DTNB: variants seen among roughly 807,000 people sequenced by gnomAD.
DTNB encodes the protein DTN-B.
DTNB carries 63 observed loss-of-function variants against 90.7 expected under a neutral mutation model. The observed-to-expected ratio is 0.69, with a 90% confidence interval of 0.57 to 0.86. The LOEUF (loss-of-function observed/expected upper bound fraction) is 0.86. Among genes scored for constraint, DTNB ranks in the 40% least tolerant of loss-of-function variants. DTNB has a pLI of 0.00. For synonymous variants in DTNB, 277 were observed against 286.7 expected (o/e 0.97, Z 0.34); for missense variants, 744 against 807.1 (o/e 0.92, Z 0.95).
At chr2:25,427,690 G>C in intron 14 of DTNB, 59 bp from the exon 15 acceptor site, 1 of 1,547,682 alleles carries the variant, frequency 6.5e-7, no homozygotes, top group Admixed American at 1.8e-5. Context: ...TCTAAGGCCA[G>C]GTGAAATGGA....
At chr2:25,649,646 G>A (rs543455829) in intron 2 of DTNB, among the ~76,000 whole-genome samples, 61 of 152,282 alleles carry the variant, frequency 4.0e-4, no homozygotes, top group African/African-American at 1.4e-3. Flanking sequence ...TTGAGCCCTG[G>A]AGGTTGAGTC....
intron 1 of DTNB, among the ~76,000 whole-genome samples, chr2:25,660,634 C>G (rs957393967): frequency 2.0e-5 from 3 of 152,114 alleles, no homozygotes; most frequent in Admixed American, 1.3e-4. Flanking sequence ...TATGCATAAC[C>G]CTAAGGTAAT....
intron 9 of DTNB, among the ~76,000 whole-genome samples, chr2:25,488,526 G>A (rs1348851539): frequency 6.6e-6 from 1 of 152,190 alleles, no homozygotes; most frequent in Non-Finnish European, 1.5e-5. Context: ...GTAAGTGGAT[G>A]TCTAGAAAGC....
Position 25,387,285 on chromosome 2 carries a change from T to C in DTNB, c.1825+4A>G, listed in dbSNP as rs1440835598. 1.9e-6 allele frequency: 3 copies of C among 1,608,210 alleles called. No homozygotes were observed. The Admixed American group carries it at 5.0e-5, about 27-fold the overall frequency. On this transcript the variant is annotated splice_donor_region_variant and intron_variant, in intron 18 of 20. Coordinates refer to ENST00000406818, the MANE Select transcript of DTNB (RefSeq NM_021907.5). The surrounding 1 kb of genome is among the most constrained non-coding windows in gnomAD (Gnocchi z 4.5). ...GGAAGCTGGCTGGGAGCTCTGGGTT[T>C]CACCTGAATGGAGCTCCTTCACCAG...
At chr2:25,588,128 T>C (rs2062804524) in intron 6 of DTNB, among the ~76,000 whole-genome samples, 1 of 151,836 alleles carries the variant, frequency 6.6e-6, no homozygotes, top group African/African-American at 2.4e-5. Flanking sequence ...AATAAAAAAA[T>C]ACAGCTTCAT....
intron 8 of DTNB, among the ~76,000 whole-genome samples, chr2:25,542,234 C>T (rs1007159522): frequency 2.0e-5 from 3 of 152,104 alleles, no homozygotes; most frequent in Admixed American, 2.0e-4. Flanking sequence ...TCTGCCTCAG[C>T]CTCACCGTGC....
intron 2 of DTNB, among the ~76,000 whole-genome samples, chr2:25,645,207 A>AC (rs2079149920): frequency 8.6e-6 from 1 of 115,978 alleles, no homozygotes. Context: ...ACTGGGCAAA[A>AC]CCCCGTCACT....
chr2:25,379,490 G>T, intron 19 of DTNB, 167 bp from the exon 20 acceptor site: 2 of 842,262 alleles, frequency 2.4e-6, no homozygotes, highest in Non-Finnish European at 1.6e-6. Context: ...GCAGGGTAGA[G>T]TCATACTTTC....
At position 25,470,954 on chromosome 2, in the gene DTNB, C is replaced by T. The variant is rs996294413; in HGVS notation, c.1079+11842G>A. ...GAGATGGATTTATAGAATGTAAGGA[C>T]ACTCCCCATCTGGATTATCTCTCCT... On this transcript the variant is annotated intron_variant, in intron 10 of 20. Coordinates refer to ENST00000406818, the MANE Select transcript of DTNB (RefSeq NM_021907.5). Among the ~76,000 whole-genome samples the T allele has an allele frequency of 5.9e-5, 9 of 152,156 alleles. No individual in the cohort carries two copies. The East Asian group carries it at 1.5e-3, about 26-fold the overall frequency.
chr2:25,410,565 T>C (rs191484332), intron 16 of DTNB, among the ~76,000 whole-genome samples: 63 of 152,256 alleles, frequency 4.1e-4, no homozygotes, highest in African/African-American at 1.5e-3. Context: ...CCCAGAAGGA[T>C]CTTGATGAAA....
chr2:25,426,556 A>G (rs1422132683), intron 15 of DTNB: 2 of 152,216 alleles, frequency 1.3e-5, no homozygotes, highest in African/African-American at 4.8e-5. Context: ...CAGCAACCCA[A>G]CACCACCCAT....
intron 3 of DTNB, among the ~76,000 whole-genome samples, chr2:25,634,180 T>A (rs1316157822): frequency 7.3e-6 from 1 of 137,636 alleles, no homozygotes; most frequent in South Asian, 2.4e-4. Context: ...CGGCCGCCCC[T>A]ACTGGGAAGT....
chr2:25,656,452 ATCTC>A (rs2082085110), intron 1 of DTNB, among the ~76,000 whole-genome samples: 1 of 152,214 alleles, frequency 6.6e-6, no homozygotes, highest in Non-Finnish European at 1.5e-5. Flanking sequence ...ATGTAAGTAC[ATCTC>A]TCTACTTCCT....
At chr2:25,498,392 G>C (rs1265962172) in intron 9 of DTNB, among the ~76,000 whole-genome samples, 2 of 152,102 alleles carry the variant, frequency 1.3e-5, no homozygotes, top group African/African-American at 2.4e-5. Flanking sequence ...GCATGTGTTA[G>C]ACTACTGAGC....
intron 6 of DTNB, chr2:25,595,219 C>T (rs894652737): frequency 2.0e-5 from 3 of 151,994 alleles, no homozygotes; most frequent in African/African-American, 2.4e-5. Flanking sequence ...TCAGTTTATC[C>T]CTTTAGTGGT....
chr2:25,629,139 C>A (rs917972547), intron 3 of DTNB, among the ~76,000 whole-genome samples: 1 of 152,070 alleles, frequency 6.6e-6, no homozygotes, highest in African/African-American at 2.4e-5. Flanking sequence ...TGATGCCTGA[C>A]TTCAAGCAAC....
At chr2:25,405,566 T>A (rs1253021241) in intron 16 of DTNB, among the ~76,000 whole-genome samples, 1 of 151,992 alleles carries the variant, frequency 6.6e-6, no homozygotes, top group Non-Finnish European at 1.5e-5. Context: ...TAAAATGTTC[T>A]ATTTTTTTTC....
Position 25,457,893 on chromosome 2 carries a change from G to T in DTNB, c.1080-2399C>A, listed in dbSNP as rs377516430. Among the ~76,000 whole-genome samples, 220 of 152,220 alleles carry T rather than the reference G, an allele frequency of 1.4e-3. 2 individuals carry two copies. Among genetic ancestry groups the T allele is most frequent in the African/African-American group, 5.0e-3 (206 of 41,504 alleles). On this transcript the variant is annotated intron_variant, in intron 10 of 20. Coordinates refer to ENST00000406818, the MANE Select transcript of DTNB (RefSeq NM_021907.5). ...TCTGTCACCAGGCTAGAGTGCAGTG[G>T]CGTGATCTCAGCTCACTGCAACCTC...
rs58742270 is a variant in DTNB, at chr2:25,503,149, C to T, written c.1002-20276G>A. Among the ~76,000 whole-genome samples, 819 of 147,520 alleles carry T rather than the reference C, an allele frequency of 5.6e-3. 6 individuals are homozygous for T. Among genetic ancestry groups the T allele is most frequent in the African/African-American group, 0.019 (780 of 40,006 alleles). ...AAGAAGTCAAATTATCTCTATTTGC[C>T]GATGACATGATCTCATACACAGAAA... On this transcript the variant is annotated intron_variant, in intron 9 of 20. Coordinates refer to ENST00000406818, the MANE Select transcript of DTNB (RefSeq NM_021907.5).
Sources: gnomAD v4.1 joint callset for allele counts (sites outside exome capture counted in the v4.1 genomes callset) on GRCh38, gnomAD v4.1.1 for gene constraint, Gnocchi (gnomAD v3.1) non-coding constraint, MANE v1.5 for transcripts, NCBI Gene and HGNC (gene_info 2026-07-23, HGNC 2026-07-21) for gene names.